The following RAB40B variants were observed in gnomAD, a reference collection of about 807,000 sequenced individuals.
The protein encoded by RAB40B is ras-related protein Rab-40B.
In RAB40B, 21 loss-of-function variants were observed where a neutral mutation model predicts 24.0. The observed-to-expected ratio is 0.88, with a 90% CI of 0.62 to 1.26. RAB40B has a LOEUF of 1.26. Ranked by LOEUF, RAB40B falls within the 50% of genes most tolerant of loss-of-function variation. The probability of loss-of-function intolerance (pLI) is 0.00; values close to 1 mark genes in which losing one functional copy is unlikely to be tolerated. For synonymous variants in RAB40B, 167 were observed against 169.8 expected (o/e 0.98, Z 0.13); for missense variants, 348 against 390.5 (o/e 0.89, Z 0.92).
Position 82,656,528 on chromosome 17 carries a change from G to C in RAB40B, c.*1335C>G, listed in dbSNP as rs1303109145. The C allele has an allele frequency of 6.6e-6, 1 of 152,182 alleles. No homozygotes were observed. Among genetic ancestry groups the C allele is most frequent in the Non-Finnish European group, 1.5e-5 (1 of 68,040 alleles). 9.4% of individuals were successfully genotyped at this position (152,182 alleles called of 1,614,324 possible). ...GAGCACGGCTCTGATTTCTCAGACA[G>C]GCACATGCCTGGGTGCCAGCTTTTA... On this transcript the variant is annotated 3_prime_UTR_variant, in exon 6 of 6. Transcript: ENST00000571995.
rs770753183 is a variant in RAB40B, at chr17:82,681,392, A to G, written c.143-16836T>C. Among the ~76,000 whole-genome samples the G allele has an allele frequency of 1.1e-4, 17 of 152,298 alleles. No homozygotes were observed. The East Asian group carries it at 1.3e-3, about 12-fold the overall frequency. On this transcript the variant is annotated intron_variant, in intron 1 of 5. Transcript: ENST00000571995. ...GCAGCCGTCTGGGAGAAGTCTCCTA[A>G]TACAGGAAGCAGTAGTTAACCAGTG... is the stretch of plus-strand genomic sequence containing the variant.
rs1370310176 is a variant in RAB40B, at chr17:82,667,859, G to T, written c.143-3303C>A. Among the ~76,000 whole-genome samples, 1 of 152,158 alleles carries T rather than the reference G, an allele frequency of 6.6e-6. No individual in the cohort carries two copies. The highest frequency in any genetic ancestry group is 6.5e-5 in the Admixed American group (1 of 15,270). On this transcript the variant is annotated intron_variant, in intron 1 of 5. Coordinates refer to ENST00000571995, the MANE Select transcript of RAB40B (RefSeq NM_006822.3). This position sits in a 1 kb window ranked among gnomAD's most constrained non-coding sequence, Gnocchi z 4.3. ...GACCCACCCAGTACGAGGCTTTCCTGAGCTGGCCAAACGTTTGCCACCGAG... is the reference window on the plus strand; with the variant it reads ...GACCCACCCAGTACGAGGCTTTCCTTAGCTGGCCAAACGTTTGCCACCGAG...
chr17:82,657,938 GA>G lies in RAB40B; in HGVS notation c.761del (p.Leu254ProfsTer4), dbSNP rs766296794. The G allele has an allele frequency of 6.2e-7, 1 of 1,614,138 alleles. No individual in the cohort carries two copies. Among genetic ancestry groups the G allele is most frequent in the East Asian group, 2.2e-5 (1 of 44,858 alleles). On this transcript the variant is annotated frameshift_variant, in exon 6 of 6. Coordinates refer to ENST00000571995, the MANE Select transcript of RAB40B (RefSeq NM_006822.3). LOFTEE classifies it low-confidence loss of function (END_TRUNC). ...TTSSTHKRSS[L>X]RKVKLVRPPQ... The stretch of plus-strand genomic sequence containing the variant: ...GGGGGCGGACGAGCTTCACTTTGCG[GA>G]GGCTGCTCCTTTTGTGGGTGGAGCT...
At chr17:82,669,858 A>C (rs1388281136) in intron 1 of RAB40B, among the ~76,000 whole-genome samples, 1 of 152,358 alleles carries the variant, frequency 6.6e-6, no homozygotes, top group East Asian at 1.9e-4. Context: ...AGCAATGAAC[A>C]CACTGAGCGT....
intron 1 of RAB40B, among the ~76,000 whole-genome samples, chr17:82,673,064 C>T (rs1276297952): frequency 6.6e-6 from 1 of 152,076 alleles, no homozygotes; most frequent in African/African-American, 2.4e-5. Context: ...ACTAGCCAGG[C>T]ATGGTGGTGG....
At chr17:82,659,162 C>G (rs1722830354) in intron 4 of RAB40B, 3 of 249,316 alleles carry the variant, frequency 1.2e-5, no homozygotes, top group Non-Finnish European at 1.6e-5. Context: ...GTCGTCGGTT[C>G]TAGCAGCCCC....
rs375670934 is a variant in RAB40B, at chr17:82,667,526, C to T, written c.143-2970G>A. ...GTCCCCTGCCCTCTGCTTCCTCCTC[C>T]GGGCCCTGCCCCCTTCCTGGACTCC... On this transcript the variant is annotated intron_variant, in intron 1 of 5. Coordinates refer to ENST00000571995, the MANE Select transcript of RAB40B (RefSeq NM_006822.3). This position sits in a 1 kb window ranked among gnomAD's most constrained non-coding sequence, Gnocchi z 4.3. 1.2e-4 allele frequency among the ~76,000 whole-genome samples: 18 copies of T among 152,336 alleles called. No homozygotes were observed. In the East Asian group the frequency reaches 2.5e-3, roughly 21 times the overall value.
In RAB40B at chr17:82,677,059, C is replaced by T. The variant is rs184923930; in HGVS notation, c.143-12503G>A. Among the ~76,000 whole-genome samples, 219 of 152,202 alleles carry T rather than the reference C, an allele frequency of 1.4e-3. 1 individual carries two copies. Among genetic ancestry groups the T allele is most frequent in the African/African-American group, 4.9e-3 (205 of 41,524 alleles). ...CACCTCCCGGGTTCAAGCAATTCTCCTGCCTCAGCCTCCCGAGTAGCTGGG... is the reference window on the plus strand; with the variant it reads ...CACCTCCCGGGTTCAAGCAATTCTCTTGCCTCAGCCTCCCGAGTAGCTGGG... On this transcript the variant is annotated intron_variant, in intron 1 of 5. Coordinates refer to ENST00000571995, the MANE Select transcript of RAB40B (RefSeq NM_006822.3).
At chr17:82,671,242 C>A (rs1372525285) in intron 1 of RAB40B, among the ~76,000 whole-genome samples, 1 of 150,666 alleles carries the variant, frequency 6.6e-6, no homozygotes, top group Non-Finnish European at 1.5e-5. Flanking sequence ...CACTGACACA[C>A]CCCAACCCTG....
chr17:82,697,331 C>A lies in RAB40B; in HGVS notation c.142+1124G>T, dbSNP rs2046620332. Among the ~76,000 whole-genome samples the A allele has an allele frequency of 6.6e-6, 1 of 152,148 alleles. No homozygotes were observed. ...ACAGCCTGCACCCTCTACCGAGCAGCCTCAGATCCCGCTTCCTCCCACCCT... is the reference window on the plus strand; with the variant it reads ...ACAGCCTGCACCCTCTACCGAGCAGACTCAGATCCCGCTTCCTCCCACCCT... On this transcript the variant is annotated intron_variant, in intron 1 of 5. Transcript: ENST00000571995. The surrounding 1 kb of genome is among the most constrained non-coding windows in gnomAD (Gnocchi z 4.9).
intron 1 of RAB40B, among the ~76,000 whole-genome samples, chr17:82,679,573 G>A (rs887011317): frequency 1.3e-5 from 2 of 152,146 alleles, no homozygotes; most frequent in Non-Finnish European, 2.9e-5. Context: ...CACTGCGCCC[G>A]GCCGCCACAA....
At chr17:82,664,443 CA>C in intron 2 of RAB40B, 52 bp downstream of exon 2, 1 of 1,583,330 alleles carries the variant, frequency 6.3e-7, no homozygotes, top group Non-Finnish European at 8.6e-7. Flanking sequence ...CTATGCCAGC[CA>C]GGGGGGTTAC....
chr17:82,671,584 A>G (rs2046336924), intron 1 of RAB40B, among the ~76,000 whole-genome samples: 1 of 136,214 alleles, frequency 7.3e-6, no homozygotes, highest in African/African-American at 2.7e-5. Flanking sequence ...CTGTAACTCT[A>G]ACACACACTC....
At position 82,659,590 on chromosome 17, in the gene RAB40B, T is replaced by A; in HGVS notation, c.332A>T (p.Glu111Val). ...ATTTCTACAACATACCTCATCGATC[T>A]CCTTAATCCATCGATCAATGCCGTC... ...SFDGIDRWIK[E>V]IDEHAPGVPK... is the part of the protein sequence containing the mutation. The change falls in exon 4 of 6, where the codon GAG (glutamate) becomes GTG (valine). Residue 111 changes from glutamate to valine, a missense_variant. By Grantham distance (121) the Glu-to-Val change is moderately radical (BLOSUM62 -2). Around this residue, in one of 3 missense-constraint regions of RAB40B, gnomAD observed 126 missense variants for 181.0 expected, o/e 0.70. Transcript: ENST00000571995. The A allele has an allele frequency of 6.2e-7, 1 of 1,613,992 alleles. No individual in the cohort carries two copies. The highest frequency in any genetic ancestry group is 8.5e-7 in the Non-Finnish European group (1 of 1,179,930).
At chr17:82,693,052 G>T (rs1019423854) in intron 1 of RAB40B, among the ~76,000 whole-genome samples, 1 of 151,640 alleles carries the variant, frequency 6.6e-6, no homozygotes. Flanking sequence ...GCCCAGGCTG[G>T]TGTGCAGTGG....
chr17:82,688,720 G>A (rs1002516493), intron 1 of RAB40B, among the ~76,000 whole-genome samples: 5 of 152,126 alleles, frequency 3.3e-5, no homozygotes, highest in Admixed American at 3.3e-4. Flanking sequence ...GATCACCTGA[G>A]GTCAGGAGTT....
At position 82,663,247 on chromosome 17, in the gene RAB40B, G is replaced by A. The variant is rs542337384; in HGVS notation, c.203+1249C>T. 1.4e-4 allele frequency among the ~76,000 whole-genome samples: 21 copies of A among 152,270 alleles called. No homozygotes were observed. The highest frequency in any genetic ancestry group is 2.1e-4 in the South Asian group (1 of 4,830). On this transcript the variant is annotated intron_variant, in intron 2 of 5. Coordinates refer to ENST00000571995, the MANE Select transcript of RAB40B (RefSeq NM_006822.3). The surrounding 1 kb of genome is among the most constrained non-coding windows in gnomAD (Gnocchi z 6.2). ...CTGGCCACTACTAGACGGGGCAGGC[G>A]TAGGAAGGGGACAGGTAAGAGAAGG...
rs192365555 is a variant in RAB40B at position 82,684,135 on chromosome 17, C to T, written c.142+14320G>A. Among the ~76,000 whole-genome samples, 680 of 150,634 alleles carry T rather than the reference C, an allele frequency of 4.5e-3. 3 individuals carry two copies. Among genetic ancestry groups the T allele is most frequent in the Non-Finnish European group, 7.4e-3 (504 of 67,800 alleles). Reference sequence around the variant, plus strand: ...ACTCGGGAGGCTGAGGCAGGAGAATCGCTTGAACCCGGGAGGCAGGGGTTG... The same window carrying T: ...ACTCGGGAGGCTGAGGCAGGAGAATTGCTTGAACCCGGGAGGCAGGGGTTG... On this transcript the variant is annotated intron_variant, in intron 1 of 5. Transcript: ENST00000571995.
intron 3 of RAB40B, among the ~76,000 whole-genome samples, chr17:82,660,781 A>G (rs2046161717): frequency 6.6e-6 from 1 of 152,278 alleles, no homozygotes; most frequent in Admixed American, 6.5e-5. Context: ...ACAGTCCCGT[A>G]AATGCACGCT....
Sources: gnomAD v4.1 joint callset for allele counts (sites outside exome capture counted in the v4.1 genomes callset) on GRCh38, gnomAD v4.1.1 for gene constraint, gnomAD v4.1.1 regional missense constraint, Gnocchi (gnomAD v3.1) non-coding constraint, MANE v1.5 for transcripts, NCBI Gene and HGNC (gene_info 2026-07-23, HGNC 2026-07-21) for gene names.